Variants in MRPS9 observed in about 807,000 individuals in gnomAD.
MRPS9 encodes mitochondrial ribosomal protein S9.
Under a neutral mutation model 59.9 loss-of-function variants are expected in MRPS9, and 45 were observed. The observed-to-expected ratio is 0.75, with a 90% CI of 0.59 to 0.96. The LOEUF (loss-of-function observed/expected upper bound fraction) is 0.96, where lower values mean the gene tolerates loss of function less well. Among genes scored for constraint, MRPS9 ranks in the 40% least tolerant of loss-of-function variants. MRPS9 has a pLI of 0.00. For missense variants in MRPS9, 473 were observed against 481.1 expected, an observed-to-expected ratio of 0.98 and a Z score of 0.16; for synonymous variants, 171 against 166.8, an observed-to-expected ratio of 1.03 and a Z score of -0.19.
chr2:105,039,753 G>C (rs1481312216), intron 1 of MRPS9, among the ~76,000 whole-genome samples: 2 of 152,106 alleles, frequency 1.3e-5, no homozygotes, highest in African/African-American at 2.4e-5. Context: ...CATTTGCTTT[G>C]TTTCTACTTT....
chr2:105,094,529 T>A (rs1680621699), intron 9 of MRPS9, among the ~76,000 whole-genome samples: 1 of 152,212 alleles, frequency 6.6e-6, no homozygotes, highest in Non-Finnish European at 1.5e-5. Context: ...AAAACTCTTT[T>A]GATACCAATG....
intron 1 of MRPS9, 134 bp downstream of exon 1, chr2:105,038,361 G>C (rs1679430172): frequency 1.7e-6 from 2 of 1,207,378 alleles, no homozygotes; most frequent in Non-Finnish European, 1.1e-6. Context: ...GTGGAGGTCT[G>C]AGGTTGGGGG....
intron 2 of MRPS9, among the ~76,000 whole-genome samples, chr2:105,066,725 G>C (rs2104451765): frequency 2.0e-5 from 3 of 152,184 alleles, no homozygotes; most frequent in Non-Finnish European, 4.4e-5. Context: ...CTAGTATTCT[G>C]ATCCAGGCCC....
chr2:105,045,318 C>CA (rs1261982182), intron 1 of MRPS9, among the ~76,000 whole-genome samples: 76 of 106,796 alleles, frequency 7.1e-4, no homozygotes, highest in East Asian at 5.5e-3. Context: ...GCTCAAAAGC[C>CA]AAAAAAAAAA....
chr2:105,046,685 G>A (rs1396942837), intron 1 of MRPS9, among the ~76,000 whole-genome samples: 1 of 152,044 alleles, frequency 6.6e-6, no homozygotes, highest in African/African-American at 2.4e-5. Context: ...TGAGGGCTGT[G>A]GTTGGTGATT....
chr2:105,057,682 G>A (rs1302094861), intron 2 of MRPS9, among the ~76,000 whole-genome samples: 1 of 152,170 alleles, frequency 6.6e-6, no homozygotes, highest in East Asian at 1.9e-4. Flanking sequence ...AACCTGTTTA[G>A]TGAAGTTTCT....
At chr2:105,083,192 AG>A (rs1436741988) in intron 5 of MRPS9, among the ~76,000 whole-genome samples, 1 of 152,230 alleles carries the variant, frequency 6.6e-6, no homozygotes, top group African/African-American at 2.4e-5. Context: ...GGTGTGAAGG[AG>A]GGGGAAGAAT....
intron 2 of MRPS9, among the ~76,000 whole-genome samples, chr2:105,058,678 CT>C (rs748204542): frequency 8.9e-4 from 126 of 142,118 alleles, no homozygotes; most frequent in East Asian, 1.4e-3. Context: ...TAATGAGTTT[CT>C]TTTTTTTTTT....
intron 5 of MRPS9, among the ~76,000 whole-genome samples, chr2:105,086,991 A>C (rs1398230230): frequency 6.6e-6 from 1 of 151,892 alleles, no homozygotes; most frequent in Non-Finnish European, 1.5e-5. Flanking sequence ...GTGTATTGAA[A>C]TTTTTCTGAT....
chr2:105,055,661 G>C (rs1325420414), intron 2 of MRPS9, among the ~76,000 whole-genome samples: 1 of 152,068 alleles, frequency 6.6e-6, no homozygotes, highest in African/African-American at 2.4e-5. Flanking sequence ...AGATGTAAAA[G>C]CAAAAGAGGA....
At chr2:105,040,932 A>G (rs1679490762) in intron 1 of MRPS9, among the ~76,000 whole-genome samples, 1 of 152,228 alleles carries the variant, frequency 6.6e-6, no homozygotes, top group Non-Finnish European at 1.5e-5. Context: ...ACAGAAAGCT[A>G]TTCTATTCAA....
At chr2:105,097,886 G>T (rs896761310) in intron 10 of MRPS9, among the ~76,000 whole-genome samples, 2 of 152,104 alleles carry the variant, frequency 1.3e-5, no homozygotes, top group African/African-American at 4.8e-5. Flanking sequence ...ATTTTGTAGA[G>T]ACTGCATTTT....
chr2:105,063,717 G>A (rs1384332512), intron 2 of MRPS9, among the ~76,000 whole-genome samples: 1 of 152,158 alleles, frequency 6.6e-6, no homozygotes, highest in African/African-American at 2.4e-5. Context: ...ATAGTCTATA[G>A]CAGGAGGTAG....
intron 10 of MRPS9, chr2:105,099,421 A>G: frequency 3.1e-6 from 1 of 324,986 alleles, no homozygotes; most frequent in Admixed American, 4.4e-5. Flanking sequence ...CATGATTCTT[A>G]TAATTTAAGG....
chr2:105,061,320 G>T (rs1390388812), intron 2 of MRPS9, among the ~76,000 whole-genome samples: 1 of 148,114 alleles, frequency 6.8e-6, no homozygotes, highest in Non-Finnish European at 1.5e-5. Context: ...CAAAGAAGTT[G>T]AAATCTTAAC....
At chr2:105,062,642 A>G (rs1679928567) in intron 2 of MRPS9, among the ~76,000 whole-genome samples, 1 of 152,204 alleles carries the variant, frequency 6.6e-6, no homozygotes, top group Admixed American at 6.5e-5. Context: ...AGTTTAAAAA[A>G]CCTTGCTGAA....
chr2:105,088,446 G>A (rs1217359855), intron 5 of MRPS9, among the ~76,000 whole-genome samples: 1 of 151,760 alleles, frequency 6.6e-6, no homozygotes, highest in Non-Finnish European at 1.5e-5. Flanking sequence ...TAAATTAATA[G>A]GAGGAAATCA....
At chr2:105,038,303 A>C (rs1186965181) in intron 1 of MRPS9, 76 bp downstream of exon 1, 71 of 1,544,998 alleles carry the variant, frequency 4.6e-5, no homozygotes, top group Non-Finnish European at 5.7e-5. Context: ...ACCTTCCCCC[A>C]GCGTCTCGCG....
Position 105,097,238 on chromosome 2 carries a change from C to A in MRPS9, c.1013C>A (p.Ser338Ter), listed in dbSNP as rs1369527978. ...VTCTVSGGGR[S>*]AQAGAIRLAM... Reference sequence around the variant, plus strand: ...TGCACAGTCTCAGGGGGCGGGAGGTCAGCGCAGGCTGGAGCAATACGACTG... The same window carrying A: ...TGCACAGTCTCAGGGGGCGGGAGGTAAGCGCAGGCTGGAGCAATACGACTG... Residue 338 changes from serine (S) to a stop codon, truncating the protein, a stop_gained, in exon 10 of 11, where the codon TCA (serine) becomes TAA (stop). Coordinates refer to ENST00000258455, the MANE Select transcript of MRPS9 (RefSeq NM_182640.3). LOFTEE classifies it high-confidence loss of function. 6.2e-7 allele frequency: 1 copy of A among 1,613,058 alleles called. No homozygotes were observed. The highest frequency in any genetic ancestry group is 2.2e-5 in the East Asian group (1 of 44,760).
Sources: allele counts gnomAD v4.1 joint callset (sites outside exome capture counted in the v4.1 genomes callset), GRCh38; gene constraint gnomAD v4.1.1; transcripts MANE v1.5; gene names NCBI Gene and HGNC (gene_info 2026-07-23, HGNC 2026-07-21).